DOP1A: variants seen among roughly 807,000 people sequenced by gnomAD.
The protein encoded by DOP1A is protein DOP1A.
DOP1A carries 90 observed loss-of-function variants against 267.6 expected under a neutral mutation model. The observed-to-expected ratio is 0.34, with a 90% CI of 0.28 to 0.40. DOP1A has a LOEUF of 0.40. Among genes scored for constraint, DOP1A ranks in the 10% least tolerant of loss-of-function variants. The probability of loss-of-function intolerance (pLI) is 1.00; values close to 1 mark genes in which losing one functional copy is unlikely to be tolerated. For missense variants in DOP1A, 2,437 were observed against 2,900.4 expected (o/e 0.84, Z 3.67); for synonymous variants, 932 against 999.1 (o/e 0.93, Z 1.27).
In DOP1A at chr6:83,148,828, G is replaced by A. The variant is rs1379878121; in HGVS notation, c.5802G>A (p.Leu1934=). 1 of 1,550,796 alleles carries A rather than the reference G, an allele frequency of 6.4e-7. No homozygotes were observed. The highest frequency in any genetic ancestry group is 8.6e-7 in the Non-Finnish European group (1 of 1,158,996). The change falls in exon 27 of 39, where the codon CTG becomes CTA. Residue 1934 remains leucine (L), a synonymous_variant. Transcript: ENST00000349129. ...TACTTCTGAAAGACTCTATACAACT[G>A]AGTCTTCCAGCTCCAGGGCAGTTTC... ...LLILLKDSIQ[L]SLPAPGQFLI... is the part of the protein sequence containing the mutation.
At chr6:83,112,896 A>C (rs1774809216) in intron 6 of DOP1A, among the ~76,000 whole-genome samples, 1 of 152,266 alleles carries the variant, frequency 6.6e-6, no homozygotes. Context: ...GAAATGTATA[A>C]GTGCACATGA....
chr6:83,084,718 G>A (rs1334371364), intron 1 of DOP1A, among the ~76,000 whole-genome samples: 1 of 151,774 alleles, frequency 6.6e-6, no homozygotes. Flanking sequence ...AAGAGGCTGG[G>A]ATTACAGGCA....
chr6:83,132,140 G>T, intron 17 of DOP1A, 36 bp from the exon 18 acceptor site: 1 of 1,581,744 alleles, frequency 6.3e-7, no homozygotes, highest in South Asian at 1.1e-5. Context: ...TTTCATGTAT[G>T]GTATTGTGAC....
downstream of DOP1A, chr6:83,168,944 G>A (rs1484927502): frequency 1.8e-6 from 2 of 1,136,998 alleles, no homozygotes; most frequent in Non-Finnish European, 2.2e-6. Flanking sequence ...TAGCCTGCAT[G>A]AATTGTTCCC....
At chr6:83,170,415 A>G, downstream of DOP1A, 1 of 1,614,054 alleles carries the variant, frequency 6.2e-7, no homozygotes, top group South Asian at 1.1e-5. Flanking sequence ...GCCTCCTGTA[A>G]TCCTGGGGGT....
At position 83,168,346 on chromosome 6, in the gene DOP1A, A is replaced by T; in HGVS notation, c.*179A>T. 1 of 1,409,348 alleles carries T rather than the reference A, an allele frequency of 7.1e-7. No homozygotes were observed. The highest frequency in any genetic ancestry group is 9.2e-7 in the Non-Finnish European group (1 of 1,086,930). 87.3% of individuals were successfully genotyped at this position (1,409,348 alleles called of 1,614,324 possible). A position where few individuals can be genotyped will look rare whatever the true frequency, so the allele number is the denominator to read the frequency against. ...TGAATGTGGCCTGAATCAAGTTTAA[A>T]TATTGTTGGCTCATACTGATTATGG... is the stretch of plus-strand genomic sequence containing the variant. On this transcript the variant is annotated 3_prime_UTR_variant, in exon 39 of 39. Coordinates refer to ENST00000349129, the MANE Select transcript of DOP1A (RefSeq NM_015018.4).
chr6:83,101,325 A>G (rs1421128671), intron 4 of DOP1A, among the ~76,000 whole-genome samples: 1 of 152,148 alleles, frequency 6.6e-6, no homozygotes, highest in Non-Finnish European at 1.5e-5. Flanking sequence ...CTCAGATATC[A>G]ATCTTAAATA....
intron 1 of DOP1A, among the ~76,000 whole-genome samples, chr6:83,090,708 A>G (rs1481146073): frequency 6.6e-6 from 1 of 152,206 alleles, no homozygotes; most frequent in Non-Finnish European, 1.5e-5. Flanking sequence ...ATTTGGTGGA[A>G]ATACTGATCT....
intron 1 of DOP1A, among the ~76,000 whole-genome samples, chr6:83,076,861 A>G (rs1394641445): frequency 6.6e-6 from 1 of 152,234 alleles, no homozygotes; most frequent in Non-Finnish European, 1.5e-5. Flanking sequence ...AGAGGTAGAA[A>G]CAACCTATGT....
chr6:83,079,111 C>A (rs962031328), intron 1 of DOP1A, among the ~76,000 whole-genome samples: 1 of 152,138 alleles, frequency 6.6e-6, no homozygotes, highest in African/African-American at 2.4e-5. Context: ...CTTTCTGTCA[C>A]CATTCTTTCA....
chr6:83,114,318 C>G (rs2128190656), intron 7 of DOP1A, among the ~76,000 whole-genome samples: 1 of 152,272 alleles, frequency 6.6e-6, no homozygotes, highest in African/African-American at 2.4e-5. Context: ...GACTTTCACC[C>G]TTCAACCAAG....
At position 83,151,964 on chromosome 6, in the gene DOP1A, C is replaced by G. The variant is rs1370148976; in HGVS notation, c.5986C>G (p.Leu1996Val). 6.2e-7 allele frequency: 1 copy of G among 1,613,816 alleles called. No individual in the cohort carries two copies. ...ACAGACAACATGGCTGCGACGAAAT[C>G]TTGAAGTTAAGCCTTCTCCCAAAAT... ...LEQTTWLRRN[L>V]EVKPSPKIMV... Residue 1996 changes from leucine (L) to valine (V), a missense_variant, in exon 29 of 39, where the codon CTT becomes GTT. Transcript: ENST00000349129.
At chr6:83,082,603 T>C (rs1054517523) in intron 1 of DOP1A, among the ~76,000 whole-genome samples, 2 of 152,196 alleles carry the variant, frequency 1.3e-5, no homozygotes, top group African/African-American at 4.8e-5. Context: ...GCATAGTGGC[T>C]ATGGTTAATG....
chr6:83,109,615 G>A (rs73483035), intron 5 of DOP1A, among the ~76,000 whole-genome samples: 2,398 of 152,258 alleles, frequency 0.016, 78 homozygotes, highest in African/African-American at 0.054. Flanking sequence ...TTCACTAGCT[G>A]TTGACGTGGT....
chr6:83,137,034 A>C (rs762525274), intron 20 of DOP1A, 139 bp from the exon 21 acceptor site: 14 of 868,400 alleles, frequency 1.6e-5, no homozygotes, highest in Non-Finnish European at 1.6e-5. Flanking sequence ...CCTGCAATAA[A>C]ATAAAATGTA....
At chr6:83,167,402 A>G (rs1220661480) in intron 38 of DOP1A, 3 of 982,268 alleles carry the variant, frequency 3.1e-6, no homozygotes, top group Admixed American at 6.1e-5. Flanking sequence ...AATTTAGGCC[A>G]TTTAGATAAA....
intron 16 of DOP1A, 48 bp downstream of exon 16, chr6:83,129,556 G>GT (rs754500403): frequency 3.6e-6 from 5 of 1,381,594 alleles, no homozygotes; most frequent in South Asian, 2.2e-5. Context: ...TCTGTAGTAT[G>GT]TTTTTTCTTT....
chr6:83,111,001 G>A (rs748971905), intron 6 of DOP1A, among the ~76,000 whole-genome samples: 1 of 151,682 alleles, frequency 6.6e-6, no homozygotes, highest in Non-Finnish European at 1.5e-5. Context: ...AGTCCTCTAT[G>A]CCTTTTTTTT....
intron 4 of DOP1A, among the ~76,000 whole-genome samples, chr6:83,108,318 C>T (rs1368319835): frequency 6.6e-6 from 1 of 152,090 alleles, no homozygotes; most frequent in African/African-American, 2.4e-5. Flanking sequence ...TAGCTGGGAC[C>T]ACAGGCACAT....
Sources: allele counts gnomAD v4.1 joint callset (sites outside exome capture counted in the v4.1 genomes callset), GRCh38; gene constraint gnomAD v4.1.1; transcripts MANE v1.5; gene names NCBI Gene and HGNC (gene_info 2026-07-23, HGNC 2026-07-21).